The following PTPRR variants were observed in gnomAD, a reference collection of about 807,000 sequenced individuals.
PTPRR encodes the protein receptor-type tyrosine-protein phosphatase R.
PTPRR carries 38 observed loss-of-function variants against 77.2 expected under a neutral mutation model. The observed-to-expected ratio is 0.49, with a 90% CI of 0.38 to 0.65. The LOEUF (loss-of-function observed/expected upper bound fraction) is 0.65. Ranked by LOEUF, PTPRR falls within the 30% of genes least tolerant of loss-of-function variation. The probability of loss-of-function intolerance (pLI) is 0.00; values close to 1 mark genes in which losing one functional copy is unlikely to be tolerated. For synonymous variants in PTPRR, 299 were observed against 283.1 expected (o/e 1.06, Z -0.57); for missense variants, 744 against 799.2 (o/e 0.93, Z 0.83).
intron 2 of PTPRR, among the ~76,000 whole-genome samples, chr12:70,844,812 G>C (rs750911647): frequency 2.6e-5 from 4 of 152,094 alleles, no homozygotes; most frequent in Non-Finnish European, 5.9e-5. Context: ...TTTTACATAT[G>C]ATATATGTCT....
chr12:70,918,771 T>C (rs1893811460), intron 1 of PTPRR, among the ~76,000 whole-genome samples: 1 of 152,210 alleles, frequency 6.6e-6, no homozygotes, highest in Admixed American at 6.5e-5. Flanking sequence ...TTAGTAAGAA[T>C]TGAGATTTTT....
chr12:70,754,735 T>G (rs756866384), intron 4 of PTPRR: 2 of 1,572,508 alleles, frequency 1.3e-6, no homozygotes, highest in Middle Eastern at 1.7e-4. Context: ...GTGAAACAAG[T>G]GCAAACAAAA....
intron 2 of PTPRR, among the ~76,000 whole-genome samples, chr12:70,834,063 C>T (rs1256336254): frequency 6.6e-6 from 1 of 152,076 alleles, no homozygotes; most frequent in Admixed American, 6.6e-5. Flanking sequence ...TGGGCTTGGG[C>T]TACAGTTAAC....
chr12:70,692,990 A>G (rs1888105522), intron 8 of PTPRR, among the ~76,000 whole-genome samples: 1 of 152,176 alleles, frequency 6.6e-6, no homozygotes. Context: ...TTTCTATGAG[A>G]AAGAGTTAAA....
intron 2 of PTPRR, among the ~76,000 whole-genome samples, chr12:70,839,992 G>A (rs549840190): frequency 1.3e-4 from 20 of 152,256 alleles, no homozygotes; most frequent in South Asian, 1.0e-3. Flanking sequence ...ACTGTCTGCC[G>A]CTGGATTCTG....
rs778758030 is a variant in PTPRR at position 70,745,792 on chromosome 12, G to A, written c.1007+26C>T. The A allele has an allele frequency of 1.4e-4, 231 of 1,600,066 alleles. No homozygotes were observed. In the South Asian group the frequency reaches 2.4e-3, roughly 17 times the overall value. Reference sequence around the variant, plus strand: ...ATACTCTTTTTATAAAAAGCCACACGTAGGGTATACAGAACAAGCTCTTAC... The same window carrying A: ...ATACTCTTTTTATAAAAAGCCACACATAGGGTATACAGAACAAGCTCTTAC... On this transcript the variant is annotated intron_variant, in intron 6 of 13. Coordinates refer to ENST00000283228, the MANE Select transcript of PTPRR (RefSeq NM_002849.4).
At chr12:70,682,741 G>C (rs983388300) in intron 10 of PTPRR, among the ~76,000 whole-genome samples, 2 of 152,100 alleles carry the variant, frequency 1.3e-5, no homozygotes, top group Non-Finnish European at 2.9e-5. Flanking sequence ...AACTGTGAAG[G>C]AATTGTCAGT....
At chr12:70,887,769 A>G (rs1592815955) in intron 2 of PTPRR, among the ~76,000 whole-genome samples, 1 of 151,958 alleles carries the variant, frequency 6.6e-6, no homozygotes, top group Admixed American at 6.6e-5. Context: ...GAGTGGTAGG[A>G]GATGGACTCA....
chr12:70,881,932 T>C (rs1326099840), intron 2 of PTPRR, among the ~76,000 whole-genome samples: 1 of 152,118 alleles, frequency 6.6e-6, no homozygotes, highest in African/African-American at 2.4e-5. Flanking sequence ...GGGTGGAGAG[T>C]TGAATATTTC....
chr12:70,754,854 C>A, intron 4 of PTPRR: 1 of 890,352 alleles, frequency 1.1e-6, no homozygotes, highest in Non-Finnish European at 1.6e-6. Context: ...CAAAACCTGA[C>A]TAAAATATCA....
intron 2 of PTPRR, among the ~76,000 whole-genome samples, chr12:70,793,342 T>A (rs963809085): frequency 6.6e-6 from 1 of 152,194 alleles, no homozygotes; most frequent in Admixed American, 6.5e-5. Flanking sequence ...AGCATTTATA[T>A]GAAGAATTGT....
At chr12:70,787,168 A>G (rs576564363) in intron 2 of PTPRR, among the ~76,000 whole-genome samples, 1 of 152,322 alleles carries the variant, frequency 6.6e-6, no homozygotes, top group African/African-American at 2.4e-5. Context: ...AATTACCACA[A>G]TAAGAGTCTT....
At chr12:70,824,727 C>A (rs569459889) in intron 2 of PTPRR, among the ~76,000 whole-genome samples, 4 of 152,152 alleles carry the variant, frequency 2.6e-5, no homozygotes, top group South Asian at 4.2e-4. Context: ...TTTGGCTATG[C>A]CTTTGTCGGG....
intron 2 of PTPRR, among the ~76,000 whole-genome samples, chr12:70,771,407 G>A (rs894109183): frequency 6.6e-6 from 1 of 152,056 alleles, no homozygotes; most frequent in African/African-American, 2.4e-5. Context: ...AGGAGAGAGG[G>A]AGGGAAGGGG....
chr12:70,750,886 C>T (rs1890369367), intron 5 of PTPRR, among the ~76,000 whole-genome samples: 1 of 150,980 alleles, frequency 6.6e-6, no homozygotes, highest in Non-Finnish European at 1.5e-5. Flanking sequence ...GTGCCATCAG[C>T]CTGGATGATT....
chr12:70,796,472 G>T, intron 2 of PTPRR, among the ~76,000 whole-genome samples: 1 of 151,922 alleles, frequency 6.6e-6, no homozygotes, highest in East Asian at 1.9e-4. Context: ...TATGTGTTTT[G>T]GTTTAACATA....
At chr12:70,709,349 C>T (rs941441330) in intron 6 of PTPRR, among the ~76,000 whole-genome samples, 4 of 152,170 alleles carry the variant, frequency 2.6e-5, no homozygotes, top group African/African-American at 9.7e-5. Flanking sequence ...GACAAACCCA[C>T]AGTCAACATC....
At chr12:70,866,288 C>G (rs1892846876) in intron 2 of PTPRR, among the ~76,000 whole-genome samples, 1 of 151,962 alleles carries the variant, frequency 6.6e-6, no homozygotes, top group South Asian at 2.1e-4. Flanking sequence ...AGACCGCTAG[C>G]AAGACTAATA....
intron 11 of PTPRR, among the ~76,000 whole-genome samples, chr12:70,662,164 T>TA (rs147482718): frequency 0.038 from 5,789 of 151,934 alleles, 370 homozygotes; most frequent in East Asian, 0.32. Context: ...AAAATGACAT[T>TA]AAAAAAAATC....
Sources: allele counts gnomAD v4.1 joint callset (sites outside exome capture counted in the v4.1 genomes callset), GRCh38; gene constraint gnomAD v4.1.1; transcripts MANE v1.5; gene names NCBI Gene and HGNC (gene_info 2026-07-23, HGNC 2026-07-21).